The following CARMIL1 variants were observed in gnomAD, a reference collection of about 807,000 sequenced individuals.
The protein encoded by CARMIL1 is capping protein regulator and myosin 1 linker 1.
CARMIL1 carries 90 observed loss-of-function variants against 177.1 expected under a neutral mutation model. The observed-to-expected ratio is 0.51, with a 90% CI of 0.43 to 0.61. The LOEUF is 0.61. Ranked by LOEUF, CARMIL1 falls within the 20% of genes least tolerant of loss-of-function variation. CARMIL1 has a pLI of 0.00. For missense variants in CARMIL1, 1,380 were observed against 1,667.0 expected (o/e 0.83, Z 3.00); for synonymous variants, 577 against 606.2 (o/e 0.95, Z 0.71).
intron 2 of CARMIL1, among the ~76,000 whole-genome samples, chr6:25,306,232 C>T (rs1489559170): frequency 6.6e-6 from 1 of 152,038 alleles, no homozygotes; most frequent in Admixed American, 6.6e-5. Flanking sequence ...CAGAAGGGTC[C>T]CCAACCCCAG....
chr6:25,284,884 G>A lies in CARMIL1; in HGVS notation c.113G>A (p.Gly38Glu). 6.4e-7 allele frequency: 1 copy of A among 1,568,556 alleles called. No individual in the cohort carries two copies. Among genetic ancestry groups the A allele is most frequent in the Non-Finnish European group, 8.7e-7 (1 of 1,154,436 alleles). Residue 38 changes from glycine (G) to glutamate (E), a missense_variant, in exon 2 of 37, where the codon GGA becomes GAA. Coordinates refer to ENST00000329474, the MANE Select transcript of CARMIL1 (RefSeq NM_017640.6). ...VKKKVKLEVK[G>E]DKVENKVLVL... Reference sequence around the variant, plus strand: ...AAGAAAGTAAAGTTGGAAGTTAAGGGAGACAAAGTTGAAAACAAAGTGCTG... The same window carrying A: ...AAGAAAGTAAAGTTGGAAGTTAAGGAAGACAAAGTTGAAAACAAAGTGCTG...
At chr6:25,584,602 C>T (rs1240161194) in intron 31 of CARMIL1, among the ~76,000 whole-genome samples, 1 of 151,740 alleles carries the variant, frequency 6.6e-6, no homozygotes, top group Non-Finnish European at 1.5e-5. Flanking sequence ...TATTTTTATG[C>T]TAAGTTTGAT....
intron 31 of CARMIL1, among the ~76,000 whole-genome samples, chr6:25,588,225 C>T (rs1813953439): frequency 6.6e-6 from 1 of 152,146 alleles, no homozygotes; most frequent in African/African-American, 2.4e-5. Flanking sequence ...CCCTCGGATA[C>T]TGAAGTTCAG....
At chr6:25,295,747 G>A (rs1006836200) in intron 2 of CARMIL1, among the ~76,000 whole-genome samples, 19 of 152,186 alleles carry the variant, frequency 1.2e-4, no homozygotes, top group African/African-American at 4.3e-4. Context: ...TTCTACTACA[G>A]TATGTTTGCT....
Position 25,480,209 on chromosome 6 carries a change from T to C in CARMIL1, c.875-2048T>C, listed in dbSNP as rs1801953532. 2.0e-5 allele frequency among the ~76,000 whole-genome samples: 3 copies of C among 152,294 alleles called. No homozygotes were observed. The South Asian group carries it at 6.2e-4, about 32-fold the overall frequency. On this transcript the variant is annotated intron_variant, in intron 11 of 36. Transcript: ENST00000329474. ...TTCATTATGATCTTGATATTTTCTATATCTTTACTGACTTTTTCTGTTCAT... is the reference window on the plus strand; with the variant it reads ...TTCATTATGATCTTGATATTTTCTACATCTTTACTGACTTTTTCTGTTCAT...
intron 24 of CARMIL1, among the ~76,000 whole-genome samples, chr6:25,529,584 T>TA (rs935291203): frequency 2.6e-5 from 4 of 151,670 alleles, no homozygotes; most frequent in Non-Finnish European, 5.9e-5. Context: ...CAGAGAGCTT[T>TA]AAAAAAAATT....
chr6:25,430,461 G>A (rs1208743062), intron 4 of CARMIL1, among the ~76,000 whole-genome samples: 5 of 147,618 alleles, frequency 3.4e-5, no homozygotes, highest in Non-Finnish European at 7.4e-5. Context: ...ACAGGGTCTC[G>A]CACTGTTGCT....
chr6:25,511,281 T>C (rs1582197546), intron 20 of CARMIL1, among the ~76,000 whole-genome samples: 3 of 152,304 alleles, frequency 2.0e-5, no homozygotes, highest in Non-Finnish European at 4.4e-5. Context: ...CAAAATTTAG[T>C]TCAGGGTAAA....
chr6:25,436,060 C>CT (rs1485433511), intron 5 of CARMIL1, among the ~76,000 whole-genome samples: 1 of 152,096 alleles, frequency 6.6e-6, no homozygotes, highest in Non-Finnish European at 1.5e-5. Flanking sequence ...GTAAAAATCC[C>CT]TTTTTTTCAT....
At chr6:25,301,308 A>G (rs1442104809) in intron 2 of CARMIL1, among the ~76,000 whole-genome samples, 1 of 152,054 alleles carries the variant, frequency 6.6e-6, no homozygotes, top group African/African-American at 2.4e-5. Context: ...AGTGGTAACA[A>G]GAACAATAGG....
chr6:25,606,031 T>C (rs767838250), intron 34 of CARMIL1, 30 bp from the exon 35 acceptor site: 8 of 1,554,132 alleles, frequency 5.1e-6, no homozygotes, highest in Non-Finnish European at 5.3e-6. Flanking sequence ...CTTTGACCTT[T>C]GATTTTTAAA....
chr6:25,401,672 G>A (rs985985), intron 2 of CARMIL1, among the ~76,000 whole-genome samples: 7,900 of 152,034 alleles, frequency 0.052, 277 homozygotes, highest in Non-Finnish European at 0.087. Flanking sequence ...AAGCTCATTC[G>A]CCAGCTGTCG....
chr6:25,312,987 A>G (rs1471492170), intron 2 of CARMIL1, among the ~76,000 whole-genome samples: 1 of 151,736 alleles, frequency 6.6e-6, no homozygotes, highest in Non-Finnish European at 1.5e-5. Flanking sequence ...TCTGAGTTGT[A>G]AAAAGCTTTT....
intron 31 of CARMIL1, among the ~76,000 whole-genome samples, chr6:25,584,129 GCAATAACAATCTTCCCACCT>G (rs1813410858): frequency 2.7e-5 from 4 of 147,644 alleles, no homozygotes; most frequent in African/African-American, 1.0e-4. Context: ...TTGGGCTCAA[GCAATAACAATCTTCCCACCT>G]CAGCCTCCTG....
chr6:25,449,955 G>C lies in CARMIL1; in HGVS notation c.429G>C (p.Ala143=). ...CTGAGCGCCTGGCTAGTCTCCAGGC[G>C]CTGTGGGACAGCCAGACCGTGGCTG... ...EPSERLASLQ[A]LWDSQTVAEQ... Residue 143 remains alanine (A), a synonymous_variant, in exon 6 of 37, where the codon GCG becomes GCC. Transcript: ENST00000329474. The C allele has an allele frequency of 6.2e-7, 1 of 1,611,874 alleles. No homozygotes were observed.
intron 28 of CARMIL1, among the ~76,000 whole-genome samples, chr6:25,555,948 A>G (rs1415713419): frequency 6.6e-6 from 1 of 152,114 alleles, no homozygotes; most frequent in African/African-American, 2.4e-5. Flanking sequence ...TTTGGTTTGA[A>G]CTTCATTTTA....
At chr6:25,412,105 C>T (rs1164420605) in intron 2 of CARMIL1, among the ~76,000 whole-genome samples, 2 of 152,196 alleles carry the variant, frequency 1.3e-5, no homozygotes, top group African/African-American at 4.8e-5. Context: ...GGATAACTCT[C>T]TTCTTGGTTT....
At chr6:25,562,532 C>T (rs957505548) in intron 29 of CARMIL1, among the ~76,000 whole-genome samples, 2 of 152,196 alleles carry the variant, frequency 1.3e-5, no homozygotes, top group African/African-American at 4.8e-5. Flanking sequence ...CAGGCATGAG[C>T]CACCGCACCC....
At chr6:25,332,683 G>C (rs1785750488) in intron 2 of CARMIL1, among the ~76,000 whole-genome samples, 1 of 151,464 alleles carries the variant, frequency 6.6e-6, no homozygotes, top group African/African-American at 2.4e-5. Context: ...TAGTTTTCCA[G>C]AGCTCAGGGT....
Sources: allele counts gnomAD v4.1 joint callset (sites outside exome capture counted in the v4.1 genomes callset), GRCh38; gene constraint gnomAD v4.1.1; transcripts MANE v1.5; gene names NCBI Gene and HGNC (gene_info 2026-07-23, HGNC 2026-07-21).